CTNND2: variants seen among roughly 807,000 people sequenced by gnomAD.
CTNND2 encodes catenin delta 2.
Under a neutral mutation model 144.4 loss-of-function variants are expected in CTNND2, and 22 were observed. That is an observed-to-expected ratio of 0.15 (90% CI 0.11 to 0.22). CTNND2 has a LOEUF of 0.22. Ranked by LOEUF, CTNND2 falls within the 10% of genes least tolerant of loss-of-function variation. The pLI is 1.00. For missense variants in CTNND2, 1,353 were observed against 1,618.8 expected, an observed-to-expected ratio of 0.84 and a Z score of 2.82; for synonymous variants, 751 against 695.6, an observed-to-expected ratio of 1.08 and a Z score of -1.25.
chr5:11,389,855 T>C (rs1313677659), intron 6 of CTNND2, among the ~76,000 whole-genome samples: 3 of 152,204 alleles, frequency 2.0e-5, no homozygotes, highest in Non-Finnish European at 2.9e-5. Context: ...GATGGTATAA[T>C]GTACATAAAC....
At chr5:11,313,458 T>C (rs1751195189) in intron 9 of CTNND2, among the ~76,000 whole-genome samples, 1 of 152,164 alleles carries the variant, frequency 6.6e-6, no homozygotes, top group African/African-American at 2.4e-5. Context: ...TGGGAACAAC[T>C]GGAATTCCTG....
chr5:11,039,837 A>G (rs1483597666), intron 16 of CTNND2, among the ~76,000 whole-genome samples: 1 of 152,114 alleles, frequency 6.6e-6, no homozygotes, highest in African/African-American at 2.4e-5. Context: ...CGAGGCTGGT[A>G]GATTGCATGA....
intron 18 of CTNND2, among the ~76,000 whole-genome samples, chr5:11,006,502 G>A (rs1460434901): frequency 6.6e-6 from 1 of 152,234 alleles, no homozygotes; most frequent in Non-Finnish European, 1.5e-5. Flanking sequence ...TTGAACACCT[G>A]TCCAGGATGA....
intron 2 of CTNND2, among the ~76,000 whole-genome samples, chr5:11,569,568 T>C (rs1157001131): frequency 1.3e-5 from 2 of 152,114 alleles, no homozygotes; most frequent in Non-Finnish European, 1.5e-5. Context: ...TGGGGGGACT[T>C]AGCTAACTTA....
chr5:11,557,496 T>C (rs910153422), intron 3 of CTNND2, among the ~76,000 whole-genome samples: 2 of 152,188 alleles, frequency 1.3e-5, no homozygotes, highest in Non-Finnish European at 2.9e-5. Flanking sequence ...TCTGCATTAC[T>C]AGCCCACAAA....
chr5:11,108,197 G>C lies in CTNND2; in HGVS notation c.2463+2661C>G, dbSNP rs61754612. Among the ~76,000 whole-genome samples, 7 of 152,320 alleles carry C rather than the reference G, an allele frequency of 4.6e-5. No homozygotes were observed. The East Asian group carries it at 1.3e-3, about 29-fold the overall frequency. ...TCTCCAAGTAGTGAGTGGGGAAAGG[G>C]AGGGCCAGGCAGTGGAACAGCATGA... On this transcript the variant is annotated intron_variant, in intron 14 of 21. Transcript: ENST00000304623.
intron 2 of CTNND2, among the ~76,000 whole-genome samples, chr5:11,654,193 T>G: frequency 6.6e-6 from 1 of 152,120 alleles, no homozygotes; most frequent in East Asian, 1.9e-4. Flanking sequence ...TCCAGCTTTG[T>G]TCTTTTGCTC....
chr5:11,136,301 A>C (rs761993697), intron 12 of CTNND2, among the ~76,000 whole-genome samples: 2 of 152,152 alleles, frequency 1.3e-5, no homozygotes, highest in Non-Finnish European at 2.9e-5. Context: ...TTTAGTTCTG[A>C]ATTTTCTTCA....
At position 11,105,447 on chromosome 5, in the gene CTNND2, T is replaced by C. The variant is rs1387660178; in HGVS notation, c.2463+5411A>G. Among the ~76,000 whole-genome samples, 5 of 152,300 alleles carry C rather than the reference T, an allele frequency of 3.3e-5. No individual in the cohort carries two copies. In the East Asian group the frequency reaches 9.7e-4, roughly 29 times the overall value. On this transcript the variant is annotated intron_variant, in intron 14 of 21. Coordinates refer to ENST00000304623, the MANE Select transcript of CTNND2 (RefSeq NM_001332.4). ...TCCAGTGGGTAGAGTCCAGGGAGGCTGGCAAATACCCTGCAATGCACAGGC... is the reference window on the plus strand; with the variant it reads ...TCCAGTGGGTAGAGTCCAGGGAGGCCGGCAAATACCCTGCAATGCACAGGC...
chr5:10,995,836 G>A (rs1347731054), intron 18 of CTNND2, among the ~76,000 whole-genome samples: 1 of 152,162 alleles, frequency 6.6e-6, no homozygotes, highest in Non-Finnish European at 1.5e-5. Context: ...GGAAGAGACT[G>A]GTAGATGGGG....
intron 2 of CTNND2, among the ~76,000 whole-genome samples, chr5:11,640,919 C>T (rs1219577299): frequency 6.6e-6 from 1 of 152,112 alleles, no homozygotes; most frequent in Non-Finnish European, 1.5e-5. Context: ...TCCCAGATGG[C>T]ATTAGGAACA....
chr5:11,616,021 G>T (rs780640920), intron 2 of CTNND2, among the ~76,000 whole-genome samples: 3 of 152,152 alleles, frequency 2.0e-5, no homozygotes, highest in Non-Finnish European at 2.9e-5. Context: ...TTCTTCCTTA[G>T]ACAAATGCTT....
In CTNND2 at chr5:11,230,111, G is replaced by C. The variant is rs1039923321; in HGVS notation, c.1761+6580C>G. On this transcript the variant is annotated intron_variant, in intron 10 of 21. Coordinates refer to ENST00000304623, the MANE Select transcript of CTNND2 (RefSeq NM_001332.4). ...AAACCATCATTCTCAGTAAACTATC[G>C]CAAGAACAAAAAACCAAACACCACA... Among the ~76,000 whole-genome samples the C allele has an allele frequency of 1.6e-3, 242 of 148,998 alleles. 9 individuals carry two copies. The highest frequency in any genetic ancestry group is 0.016 in the Admixed American group (240 of 14,790).
chr5:11,379,820 T>C (rs933912305), intron 7 of CTNND2, among the ~76,000 whole-genome samples: 1 of 152,144 alleles, frequency 6.6e-6, no homozygotes, highest in African/African-American at 2.4e-5. Context: ...CATATGACCA[T>C]GTCAGTTGTC....
chr5:11,620,276 C>A (rs1316907875), intron 2 of CTNND2, among the ~76,000 whole-genome samples: 3 of 152,240 alleles, frequency 2.0e-5, no homozygotes, highest in Admixed American at 6.5e-5. Flanking sequence ...ACCAGCCCAA[C>A]AGCCTACCTT....
At chr5:11,291,208 C>T (rs180846653) in intron 9 of CTNND2, among the ~76,000 whole-genome samples, 1 of 152,274 alleles carries the variant, frequency 6.6e-6, no homozygotes, top group Non-Finnish European at 1.5e-5. Context: ...ACCTGGGAGC[C>T]ACTTCTTCCC....
At chr5:11,653,306 CGTTTTTT>C (rs1273271851) in intron 2 of CTNND2, among the ~76,000 whole-genome samples, 2 of 151,962 alleles carry the variant, frequency 1.3e-5, no homozygotes, top group Admixed American at 1.3e-4. Flanking sequence ...TTCTGTTTTT[CGTTTTTT>C]GAGAAAATGC....
At chr5:11,332,981 G>A (rs1580934215) in intron 9 of CTNND2, among the ~76,000 whole-genome samples, 1 of 152,212 alleles carries the variant, frequency 6.6e-6, no homozygotes, top group African/African-American at 2.4e-5. Flanking sequence ...CCCCAGCCAC[G>A]TGGAACTGAG....
At chr5:11,223,733 G>T (rs1323376513) in intron 10 of CTNND2, among the ~76,000 whole-genome samples, 1 of 152,176 alleles carries the variant, frequency 6.6e-6, no homozygotes, top group Non-Finnish European at 1.5e-5. Context: ...TTTGGGAGGA[G>T]AGGCCTTTGT....
Sources: allele counts gnomAD v4.1 joint callset (sites outside exome capture counted in the v4.1 genomes callset), GRCh38; gene constraint gnomAD v4.1.1; transcripts MANE v1.5; gene names NCBI Gene and HGNC (gene_info 2026-07-23, HGNC 2026-07-21).